The following KNG1 variants were observed in gnomAD, a reference collection of about 807,000 sequenced individuals.
KNG1 encodes kininogen 1.
KNG1 carries 23 observed loss-of-function variants against 47.8 expected under a neutral mutation model. The observed-to-expected ratio is 0.48, with a 90% confidence interval of 0.35 to 0.68. KNG1 has a LOEUF of 0.68. KNG1 is among the 30% of genes least tolerant of loss of function. The pLI is 0.01. For synonymous variants in KNG1, 277 were observed against 277.0 expected (o/e 1.00, Z 0.00); for missense variants, 762 against 790.2 (o/e 0.96, Z 0.43).
chr3:186,718,799 G>A (rs1258566491), intron 1 of KNG1, among the ~76,000 whole-genome samples: 1 of 152,204 alleles, frequency 6.6e-6, no homozygotes, highest in East Asian at 1.9e-4. Flanking sequence ...ACAGAAGTCT[G>A]TATGGCTGAA....
chr3:186,727,224 G>C lies in KNG1; in HGVS notation c.565-13G>C, dbSNP rs1720398866. 19 of 1,567,932 alleles carry C rather than the reference G, an allele frequency of 1.2e-5. No individual in the cohort carries two copies. Among genetic ancestry groups the C allele is most frequent in the Non-Finnish European group, 1.7e-5 (19 of 1,138,224 alleles). On this transcript the variant is annotated splice_polypyrimidine_tract_variant and intron_variant, in intron 4 of 9. Coordinates refer to ENST00000644859, the MANE Select transcript of KNG1 (RefSeq NM_001102416.3). ...AAACTGCCCTTTAAATATTCAATCT[G>C]AAATTGTTTCAGGTGGTGGCTGGAT...
At chr3:186,725,543 A>ATTTTTTTTTTTATTTT in intron 4 of KNG1, among the ~76,000 whole-genome samples, 1 of 87,724 alleles carries the variant, frequency 1.1e-5, no homozygotes, top group Admixed American at 1.5e-4. Flanking sequence ...CGGCCTTAGG[A>ATTTTTTTTTTTATTTT]TTTTTTTTTT....
rs1347582683 is a variant in KNG1 at position 186,744,035 on chromosome 3, T to G, written c.*1704T>G. On this transcript the variant is annotated 3_prime_UTR_variant, in exon 10 of 10. Coordinates refer to ENST00000644859, the MANE Select transcript of KNG1 (RefSeq NM_001102416.3). ...GAGAGTCAGTGCTGTGGCTCTGCCA[T>G]GGAGGCTCATAACCCAACACTGGAA... 1.3e-5 allele frequency: 7 copies of G among 537,352 alleles called. No homozygotes were observed. In the Admixed American group the frequency reaches 2.0e-4, roughly 16 times the overall value. 33.3% of individuals were successfully genotyped at this position (537,352 alleles called of 1,614,324 possible). A position where few individuals can be genotyped will look rare whatever the true frequency, so the allele number is the denominator to read the frequency against.
intron 3 of KNG1, among the ~76,000 whole-genome samples, 170 bp from the exon 4 acceptor site, chr3:186,724,918 T>C (rs1648711): frequency 0.54 from 81,615 of 151,472 alleles, 22,119 homozygotes; most frequent in Middle Eastern, 0.61. Flanking sequence ...ACCATGTTAG[T>C]CAGGCTGGTC....
At chr3:186,729,123 AG>A (rs1720446686) in intron 5 of KNG1, 1 of 152,248 alleles carries the variant, frequency 6.6e-6, no homozygotes, top group Non-Finnish European at 1.5e-5. Context: ...GTATCTGATA[AG>A]AGTTTAACAT....
chr3:186,730,963 C>G (rs1054173118), intron 5 of KNG1, among the ~76,000 whole-genome samples: 1 of 151,494 alleles, frequency 6.6e-6, no homozygotes, highest in Non-Finnish European at 1.5e-5. Flanking sequence ...CATATTATTT[C>G]TATCCATTTC....
At chr3:186,720,491 C>A in intron 2 of KNG1, 273 of 275,658 alleles carry the variant, frequency 9.9e-4, no homozygotes, top group South Asian at 1.5e-3. Flanking sequence ...AGAGAGATAA[C>A]AAATTGACAT....
intron 5 of KNG1, 84 bp from the exon 6 acceptor site, chr3:186,731,461 T>A: frequency 2.5e-6 from 2 of 795,162 alleles, no homozygotes; most frequent in South Asian, 2.9e-5. Flanking sequence ...GTACACGTCC[T>A]ATTCTTCAAT....
intron 5 of KNG1, chr3:186,729,077 C>A (rs1181007588): frequency 1.3e-5 from 2 of 152,126 alleles, no homozygotes; most frequent in Non-Finnish European, 2.9e-5. Context: ...AGTAAAAATA[C>A]AACCCACAGA....
At chr3:186,721,758 G>A (rs1393341850) in intron 2 of KNG1, 1 of 152,662 alleles carries the variant, frequency 6.6e-6, no homozygotes, top group Non-Finnish European at 1.5e-5. Context: ...TTGAGTGGTA[G>A]ATAAGAGGAG....
chr3:186,724,823 C>T (rs1656918), intron 3 of KNG1, among the ~76,000 whole-genome samples: 82,008 of 151,790 alleles, frequency 0.54, 22,317 homozygotes, highest in Middle Eastern at 0.62. Context: ...AGCCTCAGCC[C>T]CCCGAGTAGC....
At chr3:186,728,070 C>T (rs1167392137) in intron 5 of KNG1, among the ~76,000 whole-genome samples, 1 of 152,146 alleles carries the variant, frequency 6.6e-6, no homozygotes, top group Admixed American at 6.5e-5. Context: ...TCTCATCTTC[C>T]CTTCCCTACC....
chr3:186,717,488 G>T lies in KNG1; in HGVS notation c.-55G>T. 1 of 1,293,830 alleles carries T rather than the reference G, an allele frequency of 7.7e-7. No individual in the cohort carries two copies. The highest frequency in any genetic ancestry group is 1.2e-5 in the South Asian group (1 of 83,928). 80.1% of individuals were successfully genotyped at this position (1,293,830 alleles called of 1,614,324 possible). The stretch of plus-strand genomic sequence containing the variant: ...ATTGTCAAATTCAGTATCCCAGTTG[G>T]CTCTTGATTCTTGGTGAAACCATCC... On this transcript the variant is annotated 5_prime_UTR_variant, in exon 1 of 10. Transcript: ENST00000644859.
At chr3:186,723,336 G>A (rs1450384095) in intron 3 of KNG1, among the ~76,000 whole-genome samples, 1 of 152,094 alleles carries the variant, frequency 6.6e-6, no homozygotes, top group East Asian at 1.9e-4. Context: ...AGACACTCTA[G>A]TCTGCTATGT....
At chr3:186,718,387 ACCACCCACCACCACCG>A (rs1469148655) in intron 1 of KNG1, 2 of 45,812 alleles carry the variant, frequency 4.4e-5, no homozygotes, top group East Asian at 5.9e-4. Flanking sequence ...ACCACCCCTC[ACCACCCACCACCACCG>A]CCACCCACCA....
At chr3:186,738,480 C>T (rs1274466816) in intron 7 of KNG1, 1 of 152,240 alleles carries the variant, frequency 6.6e-6, no homozygotes, top group Admixed American at 6.6e-5. Context: ...TTAGATATTA[C>T]AACTTGAGCC....
chr3:186,732,640 T>A lies in KNG1; in HGVS notation c.896T>A (p.Phe299Tyr). Residue 299 changes from phenylalanine (F) to tyrosine (Y), a missense_variant, in exon 7 of 10, where the codon TTC (phenylalanine) becomes TAC (tyrosine). Coordinates refer to ENST00000644859, the MANE Select transcript of KNG1 (RefSeq NM_001102416.3). The stretch of plus-strand genomic sequence containing the variant: ...GCAGAGAATAACGCAACTTTCTATT[T>A]CAAGATTGACAATGTGAAAAAAGCA... Reference protein sequence around the residue: ...LNAENNATFYFKIDNVKKARV... With the variant: ...LNAENNATFYYKIDNVKKARV... 1 of 1,614,076 alleles carries A rather than the reference T, an allele frequency of 6.2e-7. No individual in the cohort carries two copies. Among genetic ancestry groups the A allele is most frequent in the South Asian group, 1.1e-5 (1 of 91,074 alleles).
chr3:186,738,659 C>A, intron 7 of KNG1: 1 of 183,144 alleles, frequency 5.5e-6, no homozygotes, highest in Non-Finnish European at 1.1e-5. Context: ...CCAGCCTGAC[C>A]AACATGGAGA....
intron 7 of KNG1, among the ~76,000 whole-genome samples, chr3:186,737,345 T>C (rs1720695802): frequency 6.6e-6 from 1 of 152,188 alleles, no homozygotes; most frequent in Non-Finnish European, 1.5e-5. Flanking sequence ...ATACAGACAT[T>C]GATTCTATAT....
Sources: gnomAD v4.1 joint callset for allele counts (sites outside exome capture counted in the v4.1 genomes callset) on GRCh38, gnomAD v4.1.1 for gene constraint, MANE v1.5 for transcripts, NCBI Gene and HGNC (gene_info 2026-07-23, HGNC 2026-07-21) for gene names.